LY75: variants seen among roughly 807,000 people sequenced by gnomAD.
LY75 encodes C-type lectin domain family 13 member B.
In LY75, 185 loss-of-function variants were observed where a neutral mutation model predicts 231.7. That is an observed-to-expected ratio of 0.80 (90% CI 0.71 to 0.90). LY75 has a LOEUF of 0.90. Among genes scored for constraint, LY75 ranks in the 40% least tolerant of loss-of-function variants. The probability of loss-of-function intolerance (pLI) is 0.00; values close to 1 mark genes in which losing one functional copy is unlikely to be tolerated. For synonymous variants in LY75, 668 were observed against 689.0 expected (o/e 0.97, Z 0.48); for missense variants, 1,947 against 2,050.2 (o/e 0.95, Z 0.97).
chr2:159,856,087 G>A (rs1397408300), intron 16 of LY75, among the ~76,000 whole-genome samples: 1 of 152,242 alleles, frequency 6.6e-6, no homozygotes, highest in Non-Finnish European at 1.5e-5. Flanking sequence ...GTGGGGGAGG[G>A]AAAGCTATGG....
intron 21 of LY75, among the ~76,000 whole-genome samples, chr2:159,850,800 T>TATATA (rs1560081076): frequency 0.017 from 1,020 of 59,338 alleles, 31 homozygotes; most frequent in East Asian, 0.047. Flanking sequence ...ATATATATAT[T>TATATA]ATATCTTATA....
intron 14 of LY75, among the ~76,000 whole-genome samples, chr2:159,861,202 AT>A (rs773183627): frequency 2.6e-5 from 4 of 152,146 alleles, no homozygotes; most frequent in Non-Finnish European, 5.9e-5. Context: ...TGAAATGCTC[AT>A]TATTTGATTA....
intron 18 of LY75, 140 bp downstream of exon 18, chr2:159,854,220 C>T: frequency 1.9e-6 from 1 of 524,660 alleles, no homozygotes; most frequent in Non-Finnish European, 2.9e-6. Flanking sequence ...TAACATGAAA[C>T]AAATTTGGAT....
At chr2:159,874,640 A>AATATATATATTTTGTAAAT (rs1560093918) in intron 12 of LY75, among the ~76,000 whole-genome samples, 22 of 9,232 alleles carry the variant, frequency 2.4e-3, no homozygotes, top group Non-Finnish European at 4.8e-3. Flanking sequence ...AATATATGTA[A>AATATATATATTTTGTAAAT]ATATATATAT....
At chr2:159,877,500 G>T (rs868538940) in intron 11 of LY75, among the ~76,000 whole-genome samples, 1 of 152,068 alleles carries the variant, frequency 6.6e-6, no homozygotes, top group Admixed American at 6.6e-5. Context: ...GGTCCTTTCC[G>T]GCTTAAGTGT....
chr2:159,854,383 CT>C lies in LY75; in HGVS notation c.2571del (p.Ala858ProfsTer6). 6.7e-7 allele frequency: 1 copy of C among 1,490,714 alleles called. No individual in the cohort carries two copies. The allele number at this position is 1,490,714 out of a possible 1,614,324, so 92.3% of individuals were successfully genotyped here. On this transcript the variant is annotated frameshift_variant, in exon 18 of 35. Coordinates refer to ENST00000263636, the MANE Select transcript of LY75 (RefSeq NM_002349.4). LOFTEE classifies it high-confidence loss of function. The part of the protein sequence containing the change: ...LATITSFVGL[K>X]AIKNKIANIS... Reference sequence around the variant, plus strand: ...ACATTTGCTATTTTGTTTTTGATGGCTTTTAGTCCCACAAAAGATGTTATAG... The same window carrying C: ...ACATTTGCTATTTTGTTTTTGATGGCTTTAGTCCCACAAAAGATGTTATAG...
intron 13 of LY75, among the ~76,000 whole-genome samples, chr2:159,869,480 G>A (rs1684948478): frequency 6.6e-6 from 1 of 152,064 alleles, no homozygotes; most frequent in Non-Finnish European, 1.5e-5. Flanking sequence ...GGCTCTCACT[G>A]GTGAAATATA....
At position 159,853,668 on chromosome 2, in the gene LY75, T is replaced by G; in HGVS notation, c.2625A>C (p.Ile875=). The G allele has an allele frequency of 6.2e-7, 1 of 1,613,594 alleles. No individual in the cohort carries two copies. Among genetic ancestry groups the G allele is most frequent in the Non-Finnish European group, 8.5e-7 (1 of 1,179,844 alleles). ...NISGDGQKWW[I]RISEWPIDDH... is the part of the protein sequence containing the mutation. ...CATCTATTGGCCACTCGCTAATTCT[T>G]ATCCACCACTTCTGTCCATCACCAG... Residue 875 remains isoleucine, a synonymous_variant, in exon 19 of 35, where the codon ATA becomes ATC. Coordinates refer to ENST00000263636, the MANE Select transcript of LY75 (RefSeq NM_002349.4).
At chr2:159,878,012 C>T (rs776828495) in intron 11 of LY75, among the ~76,000 whole-genome samples, 11 of 152,158 alleles carry the variant, frequency 7.2e-5, no homozygotes, top group South Asian at 2.1e-4. Flanking sequence ...GAGCCTCACA[C>T]GGGAGCTTCT....
At chr2:159,875,664 T>G (rs763054870) in intron 11 of LY75, 21 bp from the exon 12 acceptor site, 10 of 1,610,884 alleles carry the variant, frequency 6.2e-6, no homozygotes, top group Non-Finnish European at 8.5e-6. Context: ...AGTGGAAAGC[T>G]CAATTAAAAA....
chr2:159,835,528 C>G lies in LY75; in HGVS notation c.3625G>C (p.Val1209Leu). 2 of 1,612,406 alleles carry G rather than the reference C, an allele frequency of 1.2e-6. No homozygotes were observed. The highest frequency in any genetic ancestry group is 1.7e-6 in the Non-Finnish European group (2 of 1,179,390). ...VLDTDGFWKT[V>L]DCNDNQPGAI... is the part of the protein sequence containing the mutation. ...CCTGGTTGATTGTCATTGCAATCAA[C>G]TGTTTTCCAGAATCCATCAGTGTCT... is the stretch of plus-strand genomic sequence containing the variant. Residue 1209 changes from valine (V) to leucine (L), a missense_variant, in exon 26 of 35, where the codon GTT (valine) becomes CTT (leucine). Coordinates refer to ENST00000263636, the MANE Select transcript of LY75 (RefSeq NM_002349.4).
Position 159,840,788 on chromosome 2 carries a change from G to A in LY75, c.3448C>T (p.Leu1150Phe). The change falls in exon 25 of 35, where the codon CTC (leucine) becomes TTC (phenylalanine). Residue 1150 changes from leucine (L) to phenylalanine (F), a missense_variant. Transcript: ENST00000263636. ...SITDPYQQAF[L>F]SVQALLHNSS... ...TTGTGAAGGAGCGCCTGCACACTGA[G>A]GAATGCCTGCTGGTAAGGGTCCGTG... is the stretch of plus-strand genomic sequence containing the variant. 1 of 1,614,100 alleles carries A rather than the reference G, an allele frequency of 6.2e-7. No individual in the cohort carries two copies.
At chr2:159,878,218 T>C (rs943125510) in intron 11 of LY75, 106 bp downstream of exon 11, 1 of 1,438,564 alleles carries the variant, frequency 7.0e-7, no homozygotes, top group East Asian at 2.3e-5. Flanking sequence ...ATCCTGAAGA[T>C]CATCATGTCC....
chr2:159,808,149 A>T, intron 33 of LY75: 2 of 984,228 alleles, frequency 2.0e-6, no homozygotes, highest in Non-Finnish European at 2.4e-6. Flanking sequence ...GGACACAGAC[A>T]TTCCTGTGGA....
chr2:159,874,930 AT>A (rs1175333015), intron 12 of LY75, among the ~76,000 whole-genome samples: 2 of 138,646 alleles, frequency 1.4e-5, no homozygotes, highest in Admixed American at 7.5e-5. Context: ...ATATTTATAA[AT>A]ATATATATTG....
At chr2:159,875,302 G>T in intron 12 of LY75, 142 bp downstream of exon 12, 2 of 1,172,550 alleles carry the variant, frequency 1.7e-6, no homozygotes, top group Non-Finnish European at 2.3e-6. Flanking sequence ...GTTCAGCGAT[G>T]CCCTGCCAAG....
intron 23 of LY75, among the ~76,000 whole-genome samples, chr2:159,848,190 G>GTA (rs1378607274): frequency 2.3e-4 from 34 of 150,330 alleles, no homozygotes; most frequent in South Asian, 6.3e-4. Context: ...ATGTATGTAT[G>GTA]TATATATATA....
At chr2:159,832,277 C>T (rs761829174) in intron 27 of LY75, among the ~76,000 whole-genome samples, 1 of 152,182 alleles carries the variant, frequency 6.6e-6, no homozygotes, top group Non-Finnish European at 1.5e-5. Flanking sequence ...AGCAGGCAAG[C>T]GAGCATCACC....
At chr2:159,863,877 T>C (rs1684783430) in intron 14 of LY75, among the ~76,000 whole-genome samples, 1 of 152,158 alleles carries the variant, frequency 6.6e-6, no homozygotes, top group Admixed American at 6.5e-5. Context: ...TCCCACGAGA[T>C]TATATCTTTA....
Sources: allele counts gnomAD v4.1 joint callset (sites outside exome capture counted in the v4.1 genomes callset), GRCh38; gene constraint gnomAD v4.1.1; transcripts MANE v1.5; gene names NCBI Gene and HGNC (gene_info 2026-07-23, HGNC 2026-07-21).